Variants in GNAL observed in about 807,000 individuals in gnomAD.
The protein encoded by GNAL is G protein subunit alpha L, also known as guanine nucleotide-binding protein G(olf) subunit alpha.
GNAL carries 18 observed loss-of-function variants against 55.1 expected under a neutral mutation model. The observed-to-expected ratio is 0.33, with a 90% CI of 0.23 to 0.48. The LOEUF is 0.48. GNAL is among the 20% of genes least tolerant of loss of function. The probability of loss-of-function intolerance (pLI) is 0.99; values close to 1 mark genes in which losing one functional copy is unlikely to be tolerated. For missense variants in GNAL, 412 were observed against 614.1 expected (o/e 0.67, Z 3.48); for synonymous variants, 253 against 237.0 (o/e 1.07, Z -0.62).
chr18:11,760,270 T>C (rs1598434951), intron 4 of GNAL, among the ~76,000 whole-genome samples: 1 of 152,122 alleles, frequency 6.6e-6, no homozygotes, highest in Non-Finnish European at 1.5e-5. Context: ...TCACACAGTG[T>C]GAAAGAACAT....
In GNAL at chr18:11,864,715, T is replaced by C. The variant is rs143301115; in HGVS notation, c.851+109T>C. The C allele has an allele frequency of 3.9e-4, 282 of 728,682 alleles. 2 individuals are homozygous for C. The African/African-American group carries it at 4.4e-3, about 11-fold the overall frequency. 45.1% of individuals were successfully genotyped at this position (728,682 alleles called of 1,614,324 possible). On this transcript the variant is annotated intron_variant, in intron 7 of 11. Coordinates refer to ENST00000334049, the MANE Select transcript of GNAL (RefSeq NM_182978.4). The stretch of plus-strand genomic sequence containing the variant: ...TTCCTGAATGTGCATGGCAGCCCTT[T>C]CAGGTAAGAGCAGCTGGGGTGAAAT...
chr18:11,704,438 G>T (rs903214250), intron 1 of GNAL, among the ~76,000 whole-genome samples: 2 of 152,222 alleles, frequency 1.3e-5, no homozygotes, highest in Non-Finnish European at 2.9e-5. Context: ...GGGTCTTCCG[G>T]CTGAAAGTGG....
chr18:11,716,368 AGACCTTCGCGGT>A (rs1468461970), intron 1 of GNAL, among the ~76,000 whole-genome samples: 1 of 152,152 alleles, frequency 6.6e-6, no homozygotes, highest in African/African-American at 2.4e-5. Context: ...GTGAAGCTGC[AGACCTTCGCGGT>A]GAGTGTTACA....
intron 5 of GNAL, among the ~76,000 whole-genome samples, chr18:11,839,437 C>T (rs1388063429): frequency 1.4e-5 from 2 of 148,056 alleles, no homozygotes; most frequent in South Asian, 2.1e-4. Flanking sequence ...CCTGTGGTCC[C>T]AGCTCCTTGA....
chr18:11,721,441 T>G (rs999393107), intron 1 of GNAL, among the ~76,000 whole-genome samples: 2 of 152,188 alleles, frequency 1.3e-5, no homozygotes, highest in Non-Finnish European at 2.9e-5. Context: ...TGAATTAATG[T>G]TTCCTTAATG....
chr18:11,725,535 G>C lies in GNAL; in HGVS notation c.377-27318G>C, dbSNP rs11875536. On this transcript the variant is annotated intron_variant, in intron 1 of 11. Coordinates refer to ENST00000334049, the MANE Select transcript of GNAL (RefSeq NM_182978.4). ...ATCCTTTTGGCTTTTCCAGAATGTT[G>C]TATTGTTGGAATCATATAGTATGTA... 5.5e-3 allele frequency among the ~76,000 whole-genome samples: 831 copies of C among 152,314 alleles called. 5 individuals carry two copies. The highest frequency in any genetic ancestry group is 0.019 in the African/African-American group (774 of 41,552).
chr18:11,864,394 A>G (rs1420688321), intron 6 of GNAL, 139 bp from the exon 7 acceptor site: 1 of 675,274 alleles, frequency 1.5e-6, no homozygotes, highest in Non-Finnish European at 2.8e-6. Context: ...TGCTCGGCCA[A>G]TGTTGGTTCT....
At chr18:11,755,005 T>C (rs2032997250) in intron 4 of GNAL, among the ~76,000 whole-genome samples, 1 of 119,030 alleles carries the variant, frequency 8.4e-6, no homozygotes, top group South Asian at 2.4e-4. Context: ...TGTATGTGTG[T>C]GTGTGTGTGT....
At chr18:11,818,463 A>AT (rs1175241556) in intron 4 of GNAL, among the ~76,000 whole-genome samples, 3 of 151,756 alleles carry the variant, frequency 2.0e-5, no homozygotes, top group Non-Finnish European at 4.4e-5. Flanking sequence ...GGCTCATGTG[A>AT]TTACAGTGGT....
At chr18:11,775,039 G>A (rs371786688) in intron 4 of GNAL, among the ~76,000 whole-genome samples, 74 of 152,272 alleles carry the variant, frequency 4.9e-4, no homozygotes, top group African/African-American at 1.6e-3. Context: ...AGTGGCCATC[G>A]CTCGGCTCAG....
chr18:11,884,997 G>A lies in GNAL; in HGVS notation c.*3862G>A, dbSNP rs968800919. On this transcript the variant is annotated 3_prime_UTR_variant, in exon 12 of 12. Coordinates refer to ENST00000334049, the MANE Select transcript of GNAL (RefSeq NM_182978.4). ...TCATCGGTCAGCGAGGAACAAGGAG[G>A]GAAAGGTGTCTTCCTGCCCCTTGAT... 7.7e-7 allele frequency: 1 copy of A among 1,302,120 alleles called. No individual in the cohort carries two copies. Among genetic ancestry groups the A allele is most frequent in the African/African-American group, 1.5e-5 (1 of 66,500 alleles). 80.7% of individuals were successfully genotyped at this position (1,302,120 alleles called of 1,614,324 possible).
chr18:11,721,015 C>T (rs2032080710), intron 1 of GNAL, among the ~76,000 whole-genome samples: 1 of 152,190 alleles, frequency 6.6e-6, no homozygotes, highest in Non-Finnish European at 1.5e-5. Context: ...ATTTTCAAAG[C>T]AATTCAGTGT....
At chr18:11,794,272 C>T (rs2034317982) in intron 4 of GNAL, among the ~76,000 whole-genome samples, 1 of 152,200 alleles carries the variant, frequency 6.6e-6, no homozygotes, top group South Asian at 2.1e-4. Flanking sequence ...TCAAACGTAT[C>T]TCACATTAAT....
intron 10 of GNAL, among the ~76,000 whole-genome samples, 166 bp from the exon 11 acceptor site, chr18:11,876,455 T>TC (rs1224483886): frequency 7.6e-6 from 1 of 131,962 alleles, no homozygotes; most frequent in African/African-American, 3.2e-5. Flanking sequence ...AGAGTGAGAC[T>TC]CCGTCTCTTA....
intron 4 of GNAL, among the ~76,000 whole-genome samples, chr18:11,814,933 A>G (rs1374868374): frequency 1.3e-5 from 2 of 151,700 alleles, no homozygotes; most frequent in African/African-American, 4.8e-5. Flanking sequence ...TCATAGAAGT[A>G]GAGAGTAGAA....
At chr18:11,738,866 G>A (rs1240430137) in intron 1 of GNAL, among the ~76,000 whole-genome samples, 1 of 152,158 alleles carries the variant, frequency 6.6e-6, no homozygotes, top group African/African-American at 2.4e-5. Flanking sequence ...TGAGGAGGAT[G>A]TGCAGGTTGC....
At chr18:11,822,898 A>G (rs1216003115) in intron 4 of GNAL, among the ~76,000 whole-genome samples, 1 of 146,760 alleles carries the variant, frequency 6.8e-6, no homozygotes, top group African/African-American at 2.6e-5. Flanking sequence ...TTGGAAACCT[A>G]TTATAGTGAA....
chr18:11,839,761 CA>C (rs1358122574), intron 5 of GNAL, among the ~76,000 whole-genome samples: 1 of 152,118 alleles, frequency 6.6e-6, no homozygotes, highest in Non-Finnish European at 1.5e-5. Flanking sequence ...TGTGCTACAG[CA>C]CAGCCTCCTT....
At chr18:11,815,717 A>G (rs1203269626) in intron 4 of GNAL, among the ~76,000 whole-genome samples, 1 of 152,238 alleles carries the variant, frequency 6.6e-6, no homozygotes, top group Non-Finnish European at 1.5e-5. Context: ...TCATCAAAAA[A>G]TACTTAAGAA....
Sources: gnomAD v4.1 joint callset for allele counts (sites outside exome capture counted in the v4.1 genomes callset) on GRCh38, gnomAD v4.1.1 for gene constraint, MANE v1.5 for transcripts, NCBI Gene and HGNC (gene_info 2026-07-23, HGNC 2026-07-21) for gene names.